Variants in GREB1L observed in about 807,000 individuals in gnomAD.
The protein encoded by GREB1L is GREB1-like protein.
A neutral mutation model predicts 200.8 loss-of-function variants in GREB1L; 17 were observed. That is an observed-to-expected ratio of 0.08 (90% CI 0.06 to 0.13). The LOEUF is 0.13. Ranked by LOEUF, GREB1L falls within the 10% of genes least tolerant of loss-of-function variation. The pLI, the probability that GREB1L is intolerant of heterozygous loss-of-function variation, is 1.00. For missense variants in GREB1L, 1,657 were observed against 2,367.7 expected, an observed-to-expected ratio of 0.70 and a Z score of 6.23; for synonymous variants, 789 against 893.0, an observed-to-expected ratio of 0.88 and a Z score of 2.08.
At chr18:21,392,691 G>A (rs1360609098) in intron 4 of GREB1L, among the ~76,000 whole-genome samples, 1 of 151,728 alleles carries the variant, frequency 6.6e-6, no homozygotes, top group African/African-American at 2.4e-5. Context: ...TGTTTTTGAG[G>A]TTTGGTGACC....
At chr18:21,396,600 A>G (rs1190155271) in intron 5 of GREB1L, among the ~76,000 whole-genome samples, 1 of 152,118 alleles carries the variant, frequency 6.6e-6, no homozygotes, top group Non-Finnish European at 1.5e-5. Flanking sequence ...TGTCATATAG[A>G]TAGATATTTC....
chr18:21,353,329 G>C (rs1289627349), intron 1 of GREB1L, among the ~76,000 whole-genome samples: 2 of 151,968 alleles, frequency 1.3e-5, no homozygotes, highest in Non-Finnish European at 2.9e-5. Context: ...ACCGAGACAG[G>C]GTATGCAAGG....
chr18:21,412,816 A>G (rs1241054815), intron 7 of GREB1L, among the ~76,000 whole-genome samples: 3 of 151,746 alleles, frequency 2.0e-5, no homozygotes, highest in East Asian at 1.9e-4. Flanking sequence ...ATACATCTCA[A>G]TGAGAATAAA....
At chr18:21,489,922 C>T in intron 18 of GREB1L, 90 bp from the exon 19 acceptor site, 1 of 911,172 alleles carries the variant, frequency 1.1e-6, no homozygotes, top group Non-Finnish European at 1.7e-6. Flanking sequence ...CCCTTCCCCA[C>T]CATGCTTAAT....
rs373219569 is a variant in GREB1L, at chr18:21,522,815, T to C, written c.5766T>C (p.His1922=). ...CTCTCTACTTTCTTACTGGACGTCA[T>C]GTATGAGCTTTTGAAGAGACCAAAA... The part of the protein sequence containing the change: ...DKPLYFLTGR[H]V The change falls in exon 33 of 33, where the codon CAT becomes CAC. Residue 1922 remains histidine, a synonymous_variant. Coordinates refer to ENST00000424526, the MANE Select transcript of GREB1L (RefSeq NM_001142966.3). 221 of 1,550,444 alleles carry C rather than the reference T, an allele frequency of 1.4e-4. No homozygotes were observed. The African/African-American group carries it at 2.2e-3, about 16-fold the overall frequency.
chr18:21,513,700 C>T (rs1322835305), intron 27 of GREB1L, 121 bp from the exon 28 acceptor site: 2 of 886,316 alleles, frequency 2.3e-6, no homozygotes, highest in Admixed American at 5.1e-5. Flanking sequence ...GGTTGGCTCC[C>T]ACCTGCATGG....
chr18:21,418,700 T>G (rs1281888054), intron 7 of GREB1L, among the ~76,000 whole-genome samples: 4 of 152,034 alleles, frequency 2.6e-5, no homozygotes, highest in Non-Finnish European at 5.9e-5. Context: ...TTTTTTTGTA[T>G]TTTTATTAGA....
At position 21,384,229 on chromosome 18, in the gene GREB1L, C is replaced by G. The variant is rs1484173596; in HGVS notation, c.181C>G (p.Leu61Val). 1 of 1,550,722 alleles carries G rather than the reference C, an allele frequency of 6.4e-7. No individual in the cohort carries two copies. The stretch of plus-strand genomic sequence containing the variant: ...AGATGTCAAACCCAAGGTGGAGGAT[C>G]TGGACAAAGATTTGGTAAACCGCTA... ...SADVKPKVED[L>V]DKDLVNRYTQ... is the part of the protein sequence containing the mutation. Residue 61 changes from leucine to valine, a missense_variant, in exon 4 of 33, where the codon CTG becomes GTG. By Grantham distance (32) the Leu-to-Val change is conservative. Coordinates refer to ENST00000424526, the MANE Select transcript of GREB1L (RefSeq NM_001142966.3).
chr18:21,349,662 A>C (rs1304371555), intron 1 of GREB1L, among the ~76,000 whole-genome samples: 1 of 151,976 alleles, frequency 6.6e-6, no homozygotes, highest in African/African-American at 2.4e-5. Context: ...TGTGTGTGTG[A>C]GGGATCTAGG....
chr18:21,455,547 G>A (rs2034717847), intron 15 of GREB1L, among the ~76,000 whole-genome samples: 1 of 152,020 alleles, frequency 6.6e-6, no homozygotes. Flanking sequence ...CCAGGTGGTA[G>A]TGGCACATGC....
chr18:21,286,376 T>C (rs1454646310), intron 1 of GREB1L, among the ~76,000 whole-genome samples: 1 of 152,178 alleles, frequency 6.6e-6, no homozygotes, highest in East Asian at 1.9e-4. Context: ...AAAAAGATTC[T>C]AACAGGAAGG....
rs186644704 is a variant in GREB1L, at chr18:21,319,233, C to A, written c.-119-46794C>A. ...CCAACCTCTTCCATACCTACAAAGT[C>A]TAATTCAAAATCATACAGAGAAGGG... On this transcript the variant is annotated intron_variant, in intron 1 of 32. Transcript: ENST00000424526. 2.0e-5 allele frequency among the ~76,000 whole-genome samples: 3 copies of A among 152,320 alleles called. No individual in the cohort carries two copies. The East Asian group carries it at 5.8e-4, about 29-fold the overall frequency.
chr18:21,457,926 C>G (rs2034844347), intron 15 of GREB1L, among the ~76,000 whole-genome samples: 2 of 149,884 alleles, frequency 1.3e-5, no homozygotes, highest in South Asian at 2.1e-4. Context: ...CCTAGTTTGC[C>G]TGAGATCACA....
rs1210215682 is a variant in GREB1L, at chr18:21,496,614, G to T, written c.3307G>T (p.Ala1103Ser). 1.7e-5 allele frequency: 26 copies of T among 1,551,604 alleles called. No individual in the cohort carries two copies. Among genetic ancestry groups the T allele is most frequent in the Non-Finnish European group, 2.3e-5 (26 of 1,147,006 alleles). ...DLSGKEQERA[A>S]VSENDSDELL... ...CAGCGGGAAGGAGCAGGAGAGAGCT[G>T]CTGTCAGTGAGAATGACTCCGATGA... is the stretch of plus-strand genomic sequence containing the variant. The change falls in exon 21 of 33, where the codon GCT becomes TCT. Residue 1103 changes from alanine (A) to serine (S), a missense_variant. This residue lies in a region of GREB1L where 512 missense variants were observed against 668.3 expected (regional missense o/e 0.77). Coordinates refer to ENST00000424526, the MANE Select transcript of GREB1L (RefSeq NM_001142966.3).
intron 1 of GREB1L, among the ~76,000 whole-genome samples, chr18:21,260,975 A>T (rs2037880969): frequency 1.3e-5 from 2 of 152,004 alleles, no homozygotes; most frequent in South Asian, 4.1e-4. Flanking sequence ...CCTCGTTTTA[A>T]AGTTTCTAGT....
chr18:21,328,220 C>T (rs957434121), intron 1 of GREB1L, among the ~76,000 whole-genome samples: 11 of 152,236 alleles, frequency 7.2e-5, no homozygotes, highest in African/African-American at 2.6e-4. Context: ...GTGTGTGCTC[C>T]TCTATGAGAG....
rs188929464 is a variant in GREB1L, at chr18:21,298,543, T to C, written c.-120+56150T>C. 1.8e-3 allele frequency among the ~76,000 whole-genome samples: 274 copies of C among 152,352 alleles called. 1 individual carries two copies. Among genetic ancestry groups the C allele is most frequent in the East Asian group, 9.8e-3 (51 of 5,188 alleles). ...GCTAAGTATGTACAAATAATGATGA[T>C]TTTCTAAGATGAGTCATTTCCTTGG... On this transcript the variant is annotated intron_variant, in intron 1 of 32. Coordinates refer to ENST00000424526, the MANE Select transcript of GREB1L (RefSeq NM_001142966.3).
At chr18:21,375,352 G>A (rs2040030296) in intron 2 of GREB1L, among the ~76,000 whole-genome samples, 1 of 152,056 alleles carries the variant, frequency 6.6e-6, no homozygotes, top group African/African-American at 2.4e-5. Flanking sequence ...GTGAGCCACC[G>A]CACCTGGCCC....
chr18:21,296,629 C>T (rs1461826437), intron 1 of GREB1L, among the ~76,000 whole-genome samples: 2 of 151,858 alleles, frequency 1.3e-5, no homozygotes, highest in African/African-American at 4.8e-5. Context: ...TACAACAGCA[C>T]CCCAATCATT....
Sources: gnomAD v4.1 joint callset for allele counts (sites outside exome capture counted in the v4.1 genomes callset) on GRCh38, gnomAD v4.1.1 for gene constraint, gnomAD v4.1.1 regional missense constraint, MANE v1.5 for transcripts, NCBI Gene and HGNC (gene_info 2026-07-23, HGNC 2026-07-21) for gene names.